The following ADCY7 variants were observed in gnomAD, a reference collection of about 807,000 sequenced individuals.
The protein encoded by ADCY7 is adenylate cyclase 7.
Under a neutral mutation model 120.6 loss-of-function variants are expected in ADCY7, and 72 were observed. The observed-to-expected ratio is 0.60, with a 90% CI of 0.49 to 0.73. ADCY7 has a LOEUF of 0.73. ADCY7 is among the 30% of genes least tolerant of loss of function. The probability of loss-of-function intolerance (pLI) is 0.00; values close to 1 mark genes in which losing one functional copy is unlikely to be tolerated. For missense variants in ADCY7, 1,227 were observed against 1,486.0 expected (o/e 0.83, Z 2.87); for synonymous variants, 661 against 628.0 (o/e 1.05, Z -0.78).
chr16:50,311,603 C>A, intron 19 of ADCY7, 90 bp from the exon 20 acceptor site: 1 of 865,816 alleles, frequency 1.2e-6, no homozygotes, highest in African/African-American at 1.7e-5. Context: ...TTTCCCCTTT[C>A]CCCTGGGTGT....
intron 21 of ADCY7, 122 bp from the exon 22 acceptor site, chr16:50,312,768 C>G: frequency 2.2e-6 from 2 of 893,998 alleles, no homozygotes; most frequent in Non-Finnish European, 3.3e-6. Context: ...GCCCGCCCCC[C>G]TCCCCACTCC....
In ADCY7 at chr16:50,314,223, GC is replaced by G. The variant is rs1374314358; in HGVS notation, c.2857-68del. The G allele has an allele frequency of 4.7e-6, 7 of 1,492,214 alleles. No homozygotes were observed. In the Admixed American group the frequency reaches 8.6e-5, roughly 18 times the overall value. 92.4% of individuals were successfully genotyped at this position (1,492,214 alleles called of 1,614,324 possible). A position where few individuals can be genotyped will look rare whatever the true frequency, so the allele number is the denominator to read the frequency against. On this transcript the variant is annotated intron_variant, in intron 23 of 25. Coordinates refer to ENST00000673801, the MANE Select transcript of ADCY7 (RefSeq NM_001114.5). The stretch of plus-strand genomic sequence containing the variant: ...GTGGTGGGGATCCTCAACAAGAGTG[GC>G]GCGCCAGGGCCCACTAGGTCTGGGG...
At chr16:50,315,250 C>T in intron 25 of ADCY7, 109 bp from the exon 26 acceptor site, 2 of 1,569,186 alleles carry the variant, frequency 1.3e-6, no homozygotes, top group Admixed American at 3.5e-5. Flanking sequence ...TTCTAGCTAT[C>T]ACACTCTCCA....
At chr16:50,293,787 T>C (rs1596918444) in intron 6 of ADCY7, among the ~76,000 whole-genome samples, 1 of 152,318 alleles carries the variant, frequency 6.6e-6, no homozygotes, top group East Asian at 1.9e-4. Flanking sequence ...ACATAGCTTT[T>C]GTGAAGGAAG....
chr16:50,270,153 G>T (rs1177151332), intron 1 of ADCY7, among the ~76,000 whole-genome samples: 1 of 149,582 alleles, frequency 6.7e-6, no homozygotes, highest in Non-Finnish European at 1.5e-5. Flanking sequence ...CTCCACTCTG[G>T]GTAATAGAGC....
At chr16:50,298,774 C>G (rs1006477100) in intron 7 of ADCY7, 130 bp from the exon 8 acceptor site, 1 of 1,347,904 alleles carries the variant, frequency 7.4e-7, no homozygotes, top group Admixed American at 2.3e-5. Flanking sequence ...CTCCTGGTGA[C>G]TGGACCCCAG....
rs1567586786 is a variant in ADCY7, at chr16:50,315,026, G to A, written c.2984G>A (p.Gly995Glu). 1 of 1,614,198 alleles carries A rather than the reference G, an allele frequency of 6.2e-7. No individual in the cohort carries two copies. Among genetic ancestry groups the A allele is most frequent in the Non-Finnish European group, 8.5e-7 (1 of 1,180,022 alleles). Reference protein sequence around the residue: ...SFRLRVGINHGPVIAGVIGAR... With the variant: ...SFRLRVGINHEPVIAGVIGAR... ...ACATCATCTTCAGGCATAAACCATG[G>A]GCCTGTGATTGCTGGAGTGATTGGG... The change falls in exon 25 of 26, where the codon GGG becomes GAG. Residue 995 changes from glycine (G) to glutamate (E), a missense_variant. Gly to Glu is a moderately conservative substitution (Grantham distance 98). Transcript: ENST00000673801.
intron 6 of ADCY7, among the ~76,000 whole-genome samples, chr16:50,293,991 T>C (rs1041806425): frequency 1.3e-5 from 2 of 152,114 alleles, no homozygotes; most frequent in African/African-American, 2.4e-5. Context: ...CCGTTGAGTG[T>C]AGATGTGGGT....
In ADCY7 at chr16:50,317,458, T is replaced by A. The variant is rs1195500298; in HGVS notation, c.*1953T>A. 1 of 151,760 alleles carries A rather than the reference T, an allele frequency of 6.6e-6. No homozygotes were observed. Among genetic ancestry groups the A allele is most frequent in the Non-Finnish European group, 1.5e-5 (1 of 68,040 alleles). 9.4% of individuals were successfully genotyped at this position (151,760 alleles called of 1,614,324 possible). ...ATAACATAGAAACACATTAGTGCAC[T>A]GGGCCTCTCTGAGGTCAGCATATTT... On this transcript the variant is annotated 3_prime_UTR_variant, in exon 26 of 26. Transcript: ENST00000673801.
chr16:50,308,860 A>G, intron 17 of ADCY7, 68 bp downstream of exon 17: 3 of 1,518,754 alleles, frequency 2.0e-6, no homozygotes, highest in Admixed American at 4.0e-5. Context: ...GACGCCTACA[A>G]TGTGGCCTTA....
At chr16:50,268,628 G>A (rs1383110860) in intron 1 of ADCY7, among the ~76,000 whole-genome samples, 1 of 152,196 alleles carries the variant, frequency 6.6e-6, no homozygotes, top group South Asian at 2.1e-4. Context: ...GGTGATGAGG[G>A]TGAAGGTGGT....
rs143089982 is a variant in ADCY7 at position 50,309,646 on chromosome 16, G to A, written c.2160G>A (p.Pro720=). The change falls in exon 18 of 26, where the codon CCG becomes CCA. Residue 720 remains proline, a splice_region_variant and synonymous_variant. Transcript: ENST00000673801. The part of the protein sequence containing the change: ...SKTRALCEPL[P]YYTCSCVLGF... Reference sequence around the variant, plus strand: ...CAAGAGCCCTGTGTGAGCCCCTCCCGGTGAGTGCGCCGGGCCCGGCTCCGT... The same window carrying A: ...CAAGAGCCCTGTGTGAGCCCCTCCCAGTGAGTGCGCCGGGCCCGGCTCCGT... 667 of 1,608,338 alleles carry A rather than the reference G, an allele frequency of 4.1e-4. No homozygotes were observed. The highest frequency in any genetic ancestry group is 5.2e-4 in the Non-Finnish European group (609 of 1,179,872).
Position 50,298,913 on chromosome 16 carries a change from T to A in ADCY7, c.958T>A (p.Cys320Ser). Residue 320 changes from cysteine (C) to serine (S), a missense_variant, in exon 8 of 26, where the codon TGC becomes AGC. Transcript: ENST00000673801. ...KFDQIAKANE[C>S]MRIKILGDCY... ...TTCCCTCACCCTGCAGGCCAACGAG[T>A]GCATGCGAATCAAGATCCTCGGCGA... The A allele has an allele frequency of 6.2e-7, 1 of 1,613,642 alleles. No individual in the cohort carries two copies. The highest frequency in any genetic ancestry group is 8.5e-7 in the Non-Finnish European group (1 of 1,179,778).
chr16:50,295,396 T>G (rs2035288610), intron 7 of ADCY7, among the ~76,000 whole-genome samples: 1 of 137,898 alleles, frequency 7.3e-6, no homozygotes, highest in Non-Finnish European at 1.5e-5. Flanking sequence ...GGTTTCGCCA[T>G]GTAGGCCAGG....
chr16:50,283,793 C>T (rs773652273), intron 1 of ADCY7, among the ~76,000 whole-genome samples: 6 of 152,060 alleles, frequency 3.9e-5, no homozygotes, highest in South Asian at 4.2e-4. Context: ...AGGACCCATG[C>T]GGTGTGGGTG....
chr16:50,269,244 C>T (rs546699819), intron 1 of ADCY7, among the ~76,000 whole-genome samples: 5 of 152,162 alleles, frequency 3.3e-5, no homozygotes, highest in African/African-American at 9.7e-5. Flanking sequence ...CCCAGCAGAT[C>T]GGTCCTCAGG....
rs760489717 is a variant in ADCY7, at chr16:50,290,463, T to C, written c.178T>C (p.Ser60Pro). The C allele has an allele frequency of 9.0e-5, 145 of 1,614,046 alleles. No individual in the cohort carries two copies. The highest frequency in any genetic ancestry group is 1.2e-4 in the Non-Finnish European group (145 of 1,180,044). ...IIIAFSQGDPSRHQAILGMAF... is the reference protein window; with the variant it reads ...IIIAFSQGDPPRHQAILGMAF... ...GTCTGTTTGCTCCACCCAGGACCCC[T>C]CCAGACACCAGGCCATTCTGGGCAT... Residue 60 changes from serine (S) to proline (P), a missense_variant, in exon 3 of 26, where the codon TCC (serine) becomes CCC (proline). This residue lies in a region of ADCY7 where 382 missense variants were observed against 411.4 expected (regional missense o/e 0.93). Transcript: ENST00000673801.
chr16:50,293,256 G>A, intron 5 of ADCY7, 98 bp from the exon 6 acceptor site: 1 of 1,402,762 alleles, frequency 7.1e-7, no homozygotes, highest in Non-Finnish European at 9.8e-7. Flanking sequence ...GGCCAAGGAG[G>A]CCAGGTCTGG....
chr16:50,303,619 T>G (rs1037942228), intron 10 of ADCY7, among the ~76,000 whole-genome samples: 3 of 151,220 alleles, frequency 2.0e-5, no homozygotes, highest in Non-Finnish European at 3.0e-5. Flanking sequence ...GGTGGGGGTC[T>G]CAGGTCTGTG....
Sources: allele counts gnomAD v4.1 joint callset (sites outside exome capture counted in the v4.1 genomes callset), GRCh38; gene constraint gnomAD v4.1.1; regional missense constraint gnomAD v4.1.1; transcripts MANE v1.5; gene names NCBI Gene and HGNC (gene_info 2026-07-23, HGNC 2026-07-21).